ACADM: variants seen among roughly 807,000 people sequenced by gnomAD.
ACADM encodes the protein acyl-CoA dehydrogenase medium chain, also known as medium-chain specific acyl-CoA dehydrogenase, mitochondrial.
Under a neutral mutation model 58.9 loss-of-function variants are expected in ACADM, and 49 were observed. That is an observed-to-expected ratio of 0.83 (90% CI 0.66 to 1.06). The LOEUF (loss-of-function observed/expected upper bound fraction) is 1.06, where lower values mean the gene tolerates loss of function less well. Among genes scored for constraint, ACADM ranks in the 50% least tolerant of loss-of-function variants. The pLI, the probability that ACADM is intolerant of heterozygous loss-of-function variation, is 0.00. For missense variants in ACADM, 496 were observed against 507.0 expected, an observed-to-expected ratio of 0.98 and a Z score of 0.21; for synonymous variants, 160 against 157.7, an observed-to-expected ratio of 1.01 and a Z score of -0.11.
At chr1:75,748,795 G>A (rs1293596937) in intron 8 of ACADM, among the ~76,000 whole-genome samples, 1 of 152,138 alleles carries the variant, frequency 6.6e-6, no homozygotes, top group African/African-American at 2.4e-5. Context: ...GAGCATGGTG[G>A]TGGTTACACA....
rs766727876 is a variant in ACADM, at chr1:75,728,399, A to G, written c.31-2A>G. ...TTATTTTAATAAAAGTGTTCTTTACAGGTCCTGAGAAGTATTTCTCGTTTT... is the reference window on the plus strand; with the variant it reads ...TTATTTTAATAAAAGTGTTCTTTACGGGTCCTGAGAAGTATTTCTCGTTTT... On this transcript the variant is annotated splice_acceptor_variant, in intron 1 of 11. Transcript: ENST00000370841. LOFTEE classifies it high-confidence loss of function. 1.2e-6 allele frequency: 2 copies of G among 1,609,948 alleles called. No individual in the cohort carries two copies. Among genetic ancestry groups the G allele is most frequent in the Non-Finnish European group, 1.7e-6 (2 of 1,177,214 alleles).
chr1:75,739,480 ATATACC>A (rs1647446753), intron 6 of ACADM, among the ~76,000 whole-genome samples: 1 of 152,200 alleles, frequency 6.6e-6, no homozygotes, highest in Admixed American at 6.6e-5. Context: ...TGATTTGTTG[ATATACC>A]TATGCCTAAT....
intron 8 of ACADM, among the ~76,000 whole-genome samples, chr1:75,746,544 C>T (rs1242385724): frequency 6.7e-6 from 1 of 148,666 alleles, no homozygotes; most frequent in Non-Finnish European, 1.5e-5. Flanking sequence ...TTATAAATCA[C>T]AATTTAAAAT....
chr1:75,724,984 A>G (rs1313020962), intron 1 of ACADM, among the ~76,000 whole-genome samples, 167 bp downstream of exon 1: 1 of 152,136 alleles, frequency 6.6e-6, no homozygotes, highest in Non-Finnish European at 1.5e-5. Context: ...CTACCACCGG[A>G]CGGAACGTAG....
chr1:75,760,574 A>AAAAAAAAAAAAAAAAAAAAAAAAG, intron 10 of ACADM, among the ~76,000 whole-genome samples: 1 of 129,242 alleles, frequency 7.7e-6, no homozygotes, highest in Non-Finnish European at 1.7e-5. Context: ...AAAAAAAAAA[A>AAAAAAAAAAAAAAAAAAAAAAAAG]AAAAAATCAG....
intron 3 of ACADM, 39 bp from the exon 4 acceptor site, chr1:75,732,814 A>G (rs780692978): frequency 3.1e-6 from 5 of 1,607,412 alleles, no homozygotes; most frequent in Non-Finnish European, 4.3e-6. Context: ...AACTATCTGG[A>G]TTTCAAAATA....
intron 3 of ACADM, 39 bp downstream of exon 3, chr1:75,732,780 A>T: frequency 6.2e-7 from 1 of 1,606,420 alleles, no homozygotes; most frequent in Non-Finnish European, 8.5e-7. Flanking sequence ...AATCTTTTAC[A>T]TTTTTTACAA....
chr1:75,728,115 A>C (rs746488878), intron 1 of ACADM, among the ~76,000 whole-genome samples: 11 of 152,156 alleles, frequency 7.2e-5, no homozygotes, highest in Non-Finnish European at 1.5e-4. Context: ...TCCTACATCT[A>C]CTACTACCCT....
At chr1:75,743,551 A>T (rs947054582) in intron 7 of ACADM, 1 of 1,601,672 alleles carries the variant, frequency 6.2e-7, no homozygotes. Context: ...CTGCACCTCT[A>T]CCTTGCCTCC....
chr1:75,733,176 A>G (rs780351735), intron 4 of ACADM: 97 of 1,611,952 alleles, frequency 6.0e-5, no homozygotes, highest in Non-Finnish European at 7.7e-5. Flanking sequence ...GAGTTGGTCA[A>G]TTTGTTGTGT....
intron 9 of ACADM, 49 bp downstream of exon 9, chr1:75,749,608 TTAAA>T (rs757377467): frequency 1.4e-6 from 2 of 1,480,410 alleles, no homozygotes. Flanking sequence ...ATTTATTACA[TTAAA>T]TAAGTATTTT....
chr1:75,737,284 ATATATAT>A (rs1557448356), intron 6 of ACADM, among the ~76,000 whole-genome samples: 2 of 42,620 alleles, frequency 4.7e-5, no homozygotes, highest in African/African-American at 2.4e-4. Flanking sequence ...ACACAAATAT[ATATATAT>A]ATATATATAT....
chr1:75,738,373 A>T (rs1647387392), intron 6 of ACADM, among the ~76,000 whole-genome samples: 1 of 152,088 alleles, frequency 6.6e-6, no homozygotes, highest in Non-Finnish European at 1.5e-5. Flanking sequence ...GGCGCCCGCC[A>T]CCAAGCCTGG....
At chr1:75,737,911 T>A (rs537459816) in intron 6 of ACADM, among the ~76,000 whole-genome samples, 6 of 151,066 alleles carry the variant, frequency 4.0e-5, no homozygotes, top group Middle Eastern at 3.6e-3. Flanking sequence ...AGTATAGTTA[T>A]ATTTATTTAT....
At chr1:75,761,440 G>C in intron 11 of ACADM, 70 bp downstream of exon 11, 3 of 1,550,406 alleles carry the variant, frequency 1.9e-6, no homozygotes, top group Non-Finnish European at 1.8e-6. Context: ...GTGGATTTCT[G>C]ATTATTTAGA....
intron 10 of ACADM, among the ~76,000 whole-genome samples, chr1:75,760,571 A>AAAT: frequency 6.8e-6 from 1 of 146,612 alleles, no homozygotes; most frequent in Admixed American, 6.8e-5. Context: ...AAAAAAAAAA[A>AAAT]AAAAAAAAAT....
Position 75,762,616 on chromosome 1 carries a change from A to G in ACADM, c.1195-76A>G. On this transcript the variant is annotated intron_variant, in intron 11 of 11. Transcript: ENST00000370841. ...TTTATATTACAACACAGCTTATGCT[A>G]CTGTCTAAAATGTTGAATAAATCAA... 4 of 923,198 alleles carry G rather than the reference A, an allele frequency of 4.3e-6. No homozygotes were observed. In the South Asian group the frequency reaches 5.4e-5, roughly 12 times the overall value. 57.2% of individuals were successfully genotyped at this position (923,198 alleles called of 1,614,324 possible). A position where few individuals can be genotyped will look rare whatever the true frequency, so the allele number is the denominator to read the frequency against.
intron 9 of ACADM, 95 bp from the exon 10 acceptor site, chr1:75,750,353 CCTT>C (rs1273622273): frequency 2.7e-5 from 27 of 999,082 alleles, no homozygotes; most frequent in Admixed American, 4.0e-5. Context: ...CTGTACATCA[CCTT>C]CTCTTTGTAC....
chr1:75,728,255 T>G (rs1570851280), intron 1 of ACADM, 146 bp from the exon 2 acceptor site: 3 of 573,008 alleles, frequency 5.2e-6, no homozygotes, highest in Non-Finnish European at 9.2e-6. Context: ...ATTTAAATTA[T>G]GATTGAAGGC....
Sources: gnomAD v4.1 joint callset for allele counts (sites outside exome capture counted in the v4.1 genomes callset) on GRCh38, gnomAD v4.1.1 for gene constraint, MANE v1.5 for transcripts, NCBI Gene and HGNC (gene_info 2026-07-23, HGNC 2026-07-21) for gene names.